PLCL2: variants seen among roughly 807,000 people sequenced by gnomAD.
The protein encoded by PLCL2 is inactive phospholipase C-like protein 2.
PLCL2 carries 4 observed loss-of-function variants against 79.6 expected under a neutral mutation model. The ratio of observed to expected loss-of-function variants is 0.05; its 90% CI spans 0.02 to 0.11. PLCL2 has a LOEUF of 0.11. Among genes scored for constraint, PLCL2 ranks in the 10% least tolerant of loss-of-function variants. The pLI is 1.00. For synonymous variants in PLCL2, 484 were observed against 457.7 expected, an observed-to-expected ratio of 1.06 and a Z score of -0.73; for missense variants, 895 against 1,291.0, an observed-to-expected ratio of 0.69 and a Z score of 4.70.
intron 1 of PLCL2, among the ~76,000 whole-genome samples, chr3:16,915,490 C>G (rs1696972661): frequency 6.6e-6 from 1 of 152,132 alleles, no homozygotes; most frequent in Non-Finnish European, 1.5e-5. Context: ...CTCCATAATT[C>G]ATGGGTTTTC....
chr3:17,081,383 A>AG (rs1162967998), intron 5 of PLCL2: 2 of 381,952 alleles, frequency 5.2e-6, no homozygotes, highest in East Asian at 7.5e-5. Flanking sequence ...GGCAGAGGGC[A>AG]GGGGAAGTCT....
chr3:16,964,951 G>C (rs925937539), intron 1 of PLCL2, among the ~76,000 whole-genome samples: 1 of 151,800 alleles, frequency 6.6e-6, no homozygotes, highest in African/African-American at 2.4e-5. Context: ...TTGCAAAAAT[G>C]TTCTCCCATT....
chr3:16,995,415 C>A (rs9815788), intron 1 of PLCL2, among the ~76,000 whole-genome samples: 1 of 152,106 alleles, frequency 6.6e-6, no homozygotes, highest in East Asian at 1.9e-4. Flanking sequence ...AGCCCAGGAA[C>A]GTGCACTCTC....
chr3:16,949,927 T>C (rs2063635310), intron 1 of PLCL2, among the ~76,000 whole-genome samples: 1 of 152,232 alleles, frequency 6.6e-6, no homozygotes, highest in South Asian at 2.1e-4. Flanking sequence ...TCATTTGGAA[T>C]GCCACCTTTC....
At chr3:16,935,789 T>C (rs6799138) in intron 1 of PLCL2, among the ~76,000 whole-genome samples, 6,024 of 152,182 alleles carry the variant, frequency 0.04, 386 homozygotes, top group African/African-American at 0.13. Flanking sequence ...ACCTGTGCCA[T>C]TGCTAAAAAA....
chr3:16,922,282 A>T (rs751550596), intron 1 of PLCL2, among the ~76,000 whole-genome samples: 1 of 152,208 alleles, frequency 6.6e-6, no homozygotes, highest in Non-Finnish European at 1.5e-5. Flanking sequence ...GCTTTAAAAC[A>T]ATTCTGAAAT....
At chr3:17,026,456 G>T (rs920358853) in intron 3 of PLCL2, among the ~76,000 whole-genome samples, 1 of 152,132 alleles carries the variant, frequency 6.6e-6, no homozygotes, top group Non-Finnish European at 1.5e-5. Context: ...ATTTAATTCA[G>T]ATATTTTCTT....
chr3:17,026,454 C>G (rs1345177599), intron 3 of PLCL2, among the ~76,000 whole-genome samples: 1 of 152,080 alleles, frequency 6.6e-6, no homozygotes, highest in Non-Finnish European at 1.5e-5. Context: ...ATATTTAATT[C>G]AGATATTTTC....
intron 1 of PLCL2, among the ~76,000 whole-genome samples, chr3:16,957,357 C>G (rs1436390373): frequency 6.6e-6 from 1 of 152,090 alleles, no homozygotes; most frequent in Non-Finnish European, 1.5e-5. Flanking sequence ...GTTTCTTAAT[C>G]CTAAGTTCTA....
intron 1 of PLCL2, among the ~76,000 whole-genome samples, chr3:16,889,280 T>C (rs1253234337): frequency 6.6e-6 from 1 of 152,192 alleles, no homozygotes; most frequent in East Asian, 1.9e-4. Context: ...CGCTTGGGTA[T>C]ATGGCTGCAC....
Position 17,089,918 on chromosome 3 carries a change from C to T in PLCL2, c.*6C>T. 1 of 1,611,366 alleles carries T rather than the reference C, an allele frequency of 6.2e-7. No homozygotes were observed. Among genetic ancestry groups the T allele is most frequent in the South Asian group, 1.1e-5 (1 of 90,542 alleles). On this transcript the variant is annotated 3_prime_UTR_variant, in exon 6 of 6. Coordinates refer to ENST00000615277, the MANE Select transcript of PLCL2 (RefSeq NM_001144382.2). ...ACGATGAAACTGGAGAATGAGGAAA[C>T]TTACAATAAACCATTATGGAGTTTA...
chr3:16,986,880 A>G (rs1400049888), intron 1 of PLCL2, among the ~76,000 whole-genome samples: 1 of 152,074 alleles, frequency 6.6e-6, no homozygotes, highest in Non-Finnish European at 1.5e-5. Flanking sequence ...CTTGTTACAT[A>G]CAGCTTCTAA....
At chr3:16,953,870 A>G (rs1051455116) in intron 1 of PLCL2, among the ~76,000 whole-genome samples, 1 of 152,172 alleles carries the variant, frequency 6.6e-6, no homozygotes, top group Non-Finnish European at 1.5e-5. Flanking sequence ...ATGGGTCCCA[A>G]GTATCATATA....
intron 3 of PLCL2, among the ~76,000 whole-genome samples, chr3:17,029,060 C>T (rs1264182987): frequency 6.6e-6 from 1 of 152,090 alleles, no homozygotes; most frequent in African/African-American, 2.4e-5. Context: ...AGTGGCTGCT[C>T]TTCCAGTCTT....
At chr3:17,077,405 C>G (rs1056953865) in intron 5 of PLCL2, among the ~76,000 whole-genome samples, 1 of 152,220 alleles carries the variant, frequency 6.6e-6, no homozygotes, top group Non-Finnish European at 1.5e-5. Context: ...TTATGACTTG[C>G]CAACATGACT....
At chr3:16,991,118 G>A (rs2064100645) in intron 1 of PLCL2, among the ~76,000 whole-genome samples, 1 of 152,216 alleles carries the variant, frequency 6.6e-6, no homozygotes, top group African/African-American at 2.4e-5. Context: ...AGAGCCTCAT[G>A]TGCATAACCC....
At chr3:16,906,948 GT>G (rs527870546) in intron 1 of PLCL2, among the ~76,000 whole-genome samples, 291 of 152,250 alleles carry the variant, frequency 1.9e-3, no homozygotes, top group African/African-American at 6.7e-3. Flanking sequence ...CTTGGAAGGT[GT>G]TTTTTCCCCG....
chr3:16,895,366 G>C (rs918242841), intron 1 of PLCL2, among the ~76,000 whole-genome samples: 4 of 152,034 alleles, frequency 2.6e-5, no homozygotes, highest in Non-Finnish European at 5.9e-5. Context: ...TATTTTTCAT[G>C]TTTAGATCTG....
chr3:16,955,100 A>G (rs944972177), intron 1 of PLCL2, among the ~76,000 whole-genome samples: 1 of 152,184 alleles, frequency 6.6e-6, no homozygotes, highest in Non-Finnish European at 1.5e-5. Context: ...AAGTCCTTGC[A>G]CATGACTACG....
Sources: allele counts gnomAD v4.1 joint callset (sites outside exome capture counted in the v4.1 genomes callset), GRCh38; gene constraint gnomAD v4.1.1; transcripts MANE v1.5; gene names NCBI Gene and HGNC (gene_info 2026-07-23, HGNC 2026-07-21).